Variants in AKAP8L observed in about 807,000 individuals in gnomAD.
AKAP8L encodes A-kinase anchor protein 8-like.
Under a neutral mutation model 77.5 loss-of-function variants are expected in AKAP8L, and 34 were observed. The observed-to-expected ratio is 0.44, with a 90% confidence interval of 0.33 to 0.58. The LOEUF is 0.58. Among genes scored for constraint, AKAP8L ranks in the 20% least tolerant of loss-of-function variants. The pLI is 0.02. For synonymous variants in AKAP8L, 342 were observed against 340.7 expected, an observed-to-expected ratio of 1.00 and a Z score of -0.04; for missense variants, 806 against 887.6, an observed-to-expected ratio of 0.91 and a Z score of 1.17.
intron 7 of AKAP8L, 183 bp downstream of exon 7, chr19:15,400,611 A>C: frequency 3.7e-6 from 3 of 809,178 alleles, no homozygotes; most frequent in Non-Finnish European, 5.9e-6. Flanking sequence ...CCATTTTCCA[A>C]CAAGGAAACT....
intron 12 of AKAP8L, among the ~76,000 whole-genome samples, chr19:15,394,373 TAGAG>T (rs1018153786): frequency 1.3e-5 from 2 of 151,938 alleles, no homozygotes; most frequent in African/African-American, 2.4e-5. Context: ...AATAAGCAAA[TAGAG>T]AGAGATAGAT....
Position 15,398,658 on chromosome 19 carries a change from G to A in AKAP8L, c.1157+644C>T, listed in dbSNP as rs770761432. On this transcript the variant is annotated intron_variant, in intron 9 of 13. Transcript: ENST00000397410. The surrounding 1 kb of genome is among the most constrained non-coding windows in gnomAD (Gnocchi z 9.2). Reference sequence around the variant, plus strand: ...TGCCGGACGTCCTTATCTGGGCCACGGGGTCAGCTTTGTCTGGAGAGCCCA... The same window carrying A: ...TGCCGGACGTCCTTATCTGGGCCACAGGGTCAGCTTTGTCTGGAGAGCCCA... The A allele has an allele frequency of 7.1e-6, 7 of 986,942 alleles. No individual in the cohort carries two copies. The highest frequency in any genetic ancestry group is 8.4e-6 in the Non-Finnish European group (7 of 830,846). 61.1% of individuals were successfully genotyped at this position (986,942 alleles called of 1,614,324 possible). A position where few individuals can be genotyped will look rare whatever the true frequency, so the allele number is the denominator to read the frequency against.
intron 12 of AKAP8L, among the ~76,000 whole-genome samples, chr19:15,386,800 A>C (rs1303519082): frequency 6.6e-6 from 1 of 152,134 alleles, no homozygotes; most frequent in Non-Finnish European, 1.5e-5. Context: ...CTGGGATTAC[A>C]AGTGCCCGCC....
chr19:15,403,455 C>T lies in AKAP8L; in HGVS notation c.362+20G>A. On this transcript the variant is annotated intron_variant, in intron 4 of 13. Transcript: ENST00000397410. The surrounding 1 kb of genome is among the most constrained non-coding windows in gnomAD (Gnocchi z 4.3). ...AGCCGCCCCTGCAGAGTCTCAACCC[C>T]TAGGCAGGTGTCCACTCACCTTTCT... 2.5e-6 allele frequency: 4 copies of T among 1,613,306 alleles called. No homozygotes were observed. The highest frequency in any genetic ancestry group is 3.4e-6 in the Non-Finnish European group (4 of 1,179,446).
At chr19:15,416,730 A>T (rs1349161937) in intron 1 of AKAP8L, among the ~76,000 whole-genome samples, 2 of 152,214 alleles carry the variant, frequency 1.3e-5, no homozygotes, top group Non-Finnish European at 2.9e-5. Flanking sequence ...GATTCTGGAT[A>T]TTTCTGTGCT....
At chr19:15,392,099 G>C (rs1361523791) in intron 12 of AKAP8L, among the ~76,000 whole-genome samples, 3 of 152,200 alleles carry the variant, frequency 2.0e-5, no homozygotes, top group Admixed American at 6.5e-5. Context: ...CTCCTAAAGT[G>C]TTTGGATTAC....
At chr19:15,416,372 G>A (rs555999028) in intron 1 of AKAP8L, among the ~76,000 whole-genome samples, 60 of 152,180 alleles carry the variant, frequency 3.9e-4, no homozygotes, top group African/African-American at 1.2e-3. Context: ...TGGGATTTTC[G>A]CCTTGCTCTT....
At chr19:15,385,445 T>C (rs1967514059) in intron 12 of AKAP8L, among the ~76,000 whole-genome samples, 1 of 151,872 alleles carries the variant, frequency 6.6e-6, no homozygotes. Flanking sequence ...CCTCCCAAAG[T>C]GCTGGGATTA....
chr19:15,405,994 G>C (rs751559435), intron 2 of AKAP8L, among the ~76,000 whole-genome samples: 2 of 152,092 alleles, frequency 1.3e-5, no homozygotes, highest in Non-Finnish European at 2.9e-5. Context: ...GGCTCTGCTT[G>C]GGAGGCTACA....
At position 15,399,776 on chromosome 19, in the gene AKAP8L, C is replaced by G. The variant is rs1212890595; in HGVS notation, c.1049-366G>C. ...GAGGCTGCTCACATGGCCCTGCCCA[C>G]CCCCAACCGGGCACCGCGGCAACAG... On this transcript the variant is annotated intron_variant, in intron 8 of 13. Transcript: ENST00000397410. This position sits in a 1 kb window ranked among gnomAD's most constrained non-coding sequence, Gnocchi z 6.1. The G allele has an allele frequency of 2.9e-6, 1 of 342,300 alleles. No homozygotes were observed. The highest frequency in any genetic ancestry group is 5.5e-6 in the Non-Finnish European group (1 of 181,306). 21.2% of individuals were successfully genotyped at this position (342,300 alleles called of 1,614,324 possible). A position where few individuals can be genotyped will look rare whatever the true frequency, so the allele number is the denominator to read the frequency against.
chr19:15,394,571 T>A (rs1036367605), intron 12 of AKAP8L, among the ~76,000 whole-genome samples: 1 of 151,818 alleles, frequency 6.6e-6, no homozygotes, highest in Non-Finnish European at 1.5e-5. Flanking sequence ...AGAGACAGGG[T>A]CTTGCTCTGT....
Position 15,399,326 on chromosome 19 carries a change from C to T in AKAP8L, c.1133G>A (p.Arg378Gln), listed in dbSNP as rs947858512. The change falls in exon 9 of 14, where the codon CGG (arginine) becomes CAG (glutamine). Residue 378 changes from arginine (R) to glutamine (Q), a missense_variant. Physicochemically the swap from Arg to Gln is conservative, Grantham distance 43 (BLOSUM62 1). Coordinates refer to ENST00000397410, the MANE Select transcript of AKAP8L (RefSeq NM_014371.4). This position sits in a 1 kb window ranked among gnomAD's most constrained non-coding sequence, Gnocchi z 6.1. The part of the protein sequence containing the change: ...GKKSQDKQKK[R>Q]QRDRMVERIQ... ...CCTTTCCACCATGCGGTCTCGCTGC[C>T]GCTTTTTCTGCTTGTCCTGACTCTT... is the stretch of plus-strand genomic sequence containing the variant. 5 of 1,613,882 alleles carry T rather than the reference C, an allele frequency of 3.1e-6. No homozygotes were observed. The South Asian group carries it at 3.3e-5, about 11-fold the overall frequency.
Position 15,417,974 on chromosome 19 carries a change from C to T in AKAP8L, c.13+937G>A, listed in dbSNP as rs539420095. On this transcript the variant is annotated intron_variant, in intron 1 of 13. Transcript: ENST00000397410. Reference sequence around the variant, plus strand: ...TGTCACCCACTCTCCCTTTCAAATCCCATTGGCCTCCCACTGGCCTCCCTG... The same window carrying T: ...TGTCACCCACTCTCCCTTTCAAATCTCATTGGCCTCCCACTGGCCTCCCTG... Among the ~76,000 whole-genome samples the T allele has an allele frequency of 1.7e-3, 252 of 152,318 alleles. 1 individual carries two copies. The highest frequency in any genetic ancestry group is 4.8e-3 in the South Asian group (23 of 4,830).
chr19:15,406,617 C>A (rs1341348355), intron 2 of AKAP8L, among the ~76,000 whole-genome samples: 1 of 151,860 alleles, frequency 6.6e-6, no homozygotes, highest in Non-Finnish European at 1.5e-5. Context: ...CAGGCATGTG[C>A]CACCATGCCC....
chr19:15,412,824 G>A (rs1599622010), intron 1 of AKAP8L, among the ~76,000 whole-genome samples: 1 of 152,358 alleles, frequency 6.6e-6, no homozygotes, highest in African/African-American at 2.4e-5. Flanking sequence ...TTACAGGCGT[G>A]AGCCACTGCG....
At chr19:15,405,895 C>T (rs1337946467) in intron 2 of AKAP8L, among the ~76,000 whole-genome samples, 1 of 151,528 alleles carries the variant, frequency 6.6e-6, no homozygotes, top group East Asian at 1.9e-4. Context: ...GCACTACAGG[C>T]TAGGCGACCG....
intron 1 of AKAP8L, 126 bp downstream of exon 1, chr19:15,418,784 GC>G: frequency 1.1e-6 from 1 of 908,980 alleles, no homozygotes; most frequent in Non-Finnish European, 1.7e-6. Context: ...GGCCAGCGGC[GC>G]CATTTTGTGA....
At chr19:15,381,774 T>G (rs1967424252) in intron 12 of AKAP8L, 1 of 152,224 alleles carries the variant, frequency 6.6e-6, no homozygotes, top group Admixed American at 6.5e-5. Context: ...TCCTCCTGGT[T>G]CTAGATGCCC....
Position 15,401,615 on chromosome 19 carries a change from TGG to T in AKAP8L, c.363-14_363-13del, listed in dbSNP as rs1568269427. On this transcript the variant is annotated splice_polypyrimidine_tract_variant and intron_variant, in intron 4 of 13. Coordinates refer to ENST00000397410, the MANE Select transcript of AKAP8L (RefSeq NM_014371.4). The surrounding 1 kb of genome is among the most constrained non-coding windows in gnomAD (Gnocchi z 6.2). Reference sequence around the variant, plus strand: ...CATAAGAGTCATACCTGCAGAGGCATGGGGTGAGCATCAGGTGGAGCCCCTCA... The same window carrying T: ...CATAAGAGTCATACCTGCAGAGGCATGGTGAGCATCAGGTGGAGCCCCTCA... 1.9e-6 allele frequency: 3 copies of T among 1,558,468 alleles called. No homozygotes were observed. Among genetic ancestry groups the T allele is most frequent in the Non-Finnish European group, 2.6e-6 (3 of 1,151,760 alleles).
Sources: gnomAD v4.1 joint callset for allele counts (sites outside exome capture counted in the v4.1 genomes callset) on GRCh38, gnomAD v4.1.1 for gene constraint, Gnocchi (gnomAD v3.1) non-coding constraint, MANE v1.5 for transcripts, NCBI Gene and HGNC (gene_info 2026-07-23, HGNC 2026-07-21) for gene names.